The following GTPBP10 variants were observed in gnomAD, a reference collection of about 807,000 sequenced individuals.
The protein encoded by GTPBP10 is GTP binding protein 10, also known as GTP-binding protein 10.
GTPBP10 carries 38 observed loss-of-function variants against 44.8 expected under a neutral mutation model. That is an observed-to-expected ratio of 0.85 (90% CI 0.65 to 1.11). The LOEUF (loss-of-function observed/expected upper bound fraction) is 1.11, where lower values mean the gene tolerates loss of function less well. Among genes scored for constraint, GTPBP10 ranks in the 50% most tolerant of loss-of-function variants. The pLI is 0.00. For synonymous variants in GTPBP10, 152 were observed against 150.6 expected, an observed-to-expected ratio of 1.01 and a Z score of -0.07; for missense variants, 462 against 453.7, an observed-to-expected ratio of 1.02 and a Z score of -0.17.
At chr7:90,364,886 C>G (rs933132510) in intron 4 of GTPBP10, among the ~76,000 whole-genome samples, 1 of 152,188 alleles carries the variant, frequency 6.6e-6, no homozygotes, top group Non-Finnish European at 1.5e-5. Flanking sequence ...GACTGCTGTG[C>G]TAGCAATGAG....
chr7:90,356,987 T>G (rs1444389332), intron 4 of GTPBP10, among the ~76,000 whole-genome samples: 1 of 152,174 alleles, frequency 6.6e-6, no homozygotes, highest in Non-Finnish European at 1.5e-5. Context: ...GTTTAACATA[T>G]TTTCTAGTGT....
At position 90,387,479 on chromosome 7, in the gene GTPBP10, T is replaced by C. The variant is rs1240058646; in HGVS notation, c.*2325T>C. 6.6e-6 allele frequency: 1 copy of C among 152,216 alleles called. No homozygotes were observed. Among genetic ancestry groups the C allele is most frequent in the Non-Finnish European group, 1.5e-5 (1 of 68,034 alleles). The allele number at this position is 152,216 out of a possible 1,614,324, so 9.4% of individuals were successfully genotyped here. ...TAAAGTATTAAAGAAAAATAATGCATTGTTCTCAGCTTAAATTTTTTTCTG... is the reference window on the plus strand; with the variant it reads ...TAAAGTATTAAAGAAAAATAATGCACTGTTCTCAGCTTAAATTTTTTTCTG... On this transcript the variant is annotated 3_prime_UTR_variant, in exon 10 of 10. Coordinates refer to ENST00000222511, the MANE Select transcript of GTPBP10 (RefSeq NM_033107.4).
chr7:90,379,819 A>G (rs1796403515), intron 8 of GTPBP10, among the ~76,000 whole-genome samples: 1 of 152,174 alleles, frequency 6.6e-6, no homozygotes, highest in African/African-American at 2.4e-5. Context: ...TTCCACATGA[A>G]TGTCAACACT....
intron 4 of GTPBP10, among the ~76,000 whole-genome samples, chr7:90,361,616 C>T (rs1411091458): frequency 6.6e-6 from 1 of 151,982 alleles, no homozygotes; most frequent in Non-Finnish European, 1.5e-5. Context: ...GTCTCACAGG[C>T]TCTGGTATCA....
intron 4 of GTPBP10, among the ~76,000 whole-genome samples, chr7:90,358,000 G>A (rs1795940099): frequency 6.6e-6 from 1 of 152,064 alleles, no homozygotes; most frequent in African/African-American, 2.4e-5. Context: ...CAAACTATCT[G>A]TTTGCCCACC....
chr7:90,372,199 A>G lies in GTPBP10; in HGVS notation c.509A>G (p.His170Arg), dbSNP rs541343602. Residue 170 changes from histidine (H) to arginine (R), a missense_variant, in exon 5 of 10, where the codon CAT becomes CGT. His to Arg is a conservative substitution (Grantham distance 29). Coordinates refer to ENST00000222511, the MANE Select transcript of GTPBP10 (RefSeq NM_033107.4). ...TCCTCTTTGCTAAGTTGTGTTTCTC[A>G]TGCAAAACCTGCAATTGCAGATTAC... Reference protein sequence around the residue: ...GKSSLLSCVSHAKPAIADYAF... With the variant: ...GKSSLLSCVSRAKPAIADYAF... 5.6e-6 allele frequency: 9 copies of G among 1,606,800 alleles called. No homozygotes were observed. The South Asian group carries it at 1.0e-4, about 18-fold the overall frequency.
chr7:90,363,826 GTT>G (rs1332085971), intron 4 of GTPBP10, among the ~76,000 whole-genome samples: 2 of 151,878 alleles, frequency 1.3e-5, no homozygotes, highest in Non-Finnish European at 2.9e-5. Context: ...TGGAGGCTTT[GTT>G]CATTTCGTTT....
intron 4 of GTPBP10, among the ~76,000 whole-genome samples, chr7:90,355,684 A>G (rs1252122205): frequency 6.7e-6 from 1 of 148,718 alleles, no homozygotes; most frequent in Non-Finnish European, 1.5e-5. Flanking sequence ...ACCAGTACAG[A>G]CAATCTCAAT....
chr7:90,375,514 A>C (rs559158145), intron 6 of GTPBP10, among the ~76,000 whole-genome samples: 8 of 152,326 alleles, frequency 5.3e-5, no homozygotes, highest in Non-Finnish European at 1.0e-4. Context: ...TAATAGTGAT[A>C]ATAACAGTAA....
intron 8 of GTPBP10, among the ~76,000 whole-genome samples, chr7:90,380,074 C>CTTTTTTTTTT (rs58735928): frequency 9.6e-6 from 1 of 104,350 alleles, no homozygotes; most frequent in Non-Finnish European, 1.9e-5. Context: ...AGTCCCTTCT[C>CTTTTTTTTTT]TTTTTTTTTT....
Position 90,389,247 on chromosome 7 carries a change from G to A in GTPBP10, c.*4093G>A, listed in dbSNP as rs1295510780. 6.6e-6 allele frequency: 1 copy of A among 152,164 alleles called. No homozygotes were observed. Among genetic ancestry groups the A allele is most frequent in the African/African-American group, 2.4e-5 (1 of 41,436 alleles). 9.4% of individuals were successfully genotyped at this position (152,164 alleles called of 1,614,324 possible). The stretch of plus-strand genomic sequence containing the variant: ...AAGTGGTAATGTTACCATATGCTGG[G>A]TACTGGGCTGAGTAAATCACATATT... On this transcript the variant is annotated 3_prime_UTR_variant, in exon 10 of 10. Transcript: ENST00000222511.
At chr7:90,378,518 C>T (rs1796382830) in intron 8 of GTPBP10, among the ~76,000 whole-genome samples, 1 of 152,128 alleles carries the variant, frequency 6.6e-6, no homozygotes, top group Admixed American at 6.6e-5. Flanking sequence ...GACCGGTAAT[C>T]TTCTGGTTCT....
intron 4 of GTPBP10, among the ~76,000 whole-genome samples, chr7:90,369,418 G>A (rs1377060304): frequency 6.6e-6 from 1 of 152,208 alleles, no homozygotes; most frequent in African/African-American, 2.4e-5. Context: ...GATCTAGAGA[G>A]GCAGTAGGCC....
In GTPBP10 at chr7:90,384,928, A is replaced by G; in HGVS notation, c.938A>G (p.Glu313Gly). The change falls in exon 10 of 10, where the codon GAG (glutamate) becomes GGG (glycine). Residue 313 changes from glutamate (E) to glycine (G), a missense_variant. Glu to Gly is a moderately conservative substitution (Grantham distance 98). Transcript: ENST00000222511. Reference sequence around the variant, plus strand: ...TTATTTGAAAAAAACATGATTCCAGAGAGGACTGTAGAGTTCCAACATATC... The same window carrying G: ...TTATTTGAAAAAAACATGATTCCAGGGAGGACTGTAGAGTTCCAACATATC... ...LHLFEKNMIP[E>G]RTVEFQHIIP... The G allele has an allele frequency of 6.2e-7, 1 of 1,604,908 alleles. No individual in the cohort carries two copies. Among genetic ancestry groups the G allele is most frequent in the South Asian group, 1.1e-5 (1 of 88,702 alleles).
chr7:90,359,574 C>T (rs904451990), intron 4 of GTPBP10, among the ~76,000 whole-genome samples: 2 of 152,184 alleles, frequency 1.3e-5, no homozygotes, highest in Non-Finnish European at 2.9e-5. Context: ...CAAGTCTTTG[C>T]TATTGTGAAT....
At chr7:90,356,955 GA>G (rs1479867875) in intron 4 of GTPBP10, among the ~76,000 whole-genome samples, 4 of 152,134 alleles carry the variant, frequency 2.6e-5, no homozygotes, top group African/African-American at 9.7e-5. Flanking sequence ...AAGAATGGGG[GA>G]AAAAGATTTT....
rs764988344 is a variant in GTPBP10, at chr7:90,354,508, C to T, written c.278C>T (p.Pro93Leu). The T allele has an allele frequency of 6.3e-7, 1 of 1,588,322 alleles. No homozygotes were observed. Among genetic ancestry groups the T allele is most frequent in the Non-Finnish European group, 8.6e-7 (1 of 1,167,622 alleles). Residue 93 changes from proline to leucine, a missense_variant, in exon 3 of 10, where the codon CCT (proline) becomes CTT (leucine). Physicochemically the swap from Pro to Leu is moderately conservative, Grantham distance 98. Transcript: ENST00000222511. ...SKGKDCEIPV[P>L]VGISVTDENG... ...GGAAAAGACTGTGAAATCCCTGTGC[C>T]TGTGGGTATTTCAGTAACTGATGAA...
At chr7:90,382,458 C>G (rs1796449008) in intron 8 of GTPBP10, among the ~76,000 whole-genome samples, 1 of 152,128 alleles carries the variant, frequency 6.6e-6, no homozygotes, top group Non-Finnish European at 1.5e-5. Context: ...GGGCTTCGCT[C>G]TGTCATGTAG....
intron 4 of GTPBP10, among the ~76,000 whole-genome samples, chr7:90,371,639 C>T (rs149641667): frequency 4.3e-4 from 66 of 152,242 alleles, no homozygotes; most frequent in Admixed American, 9.2e-4. Context: ...GTATTTGTAA[C>T]GTACAGACCT....
Sources: allele counts gnomAD v4.1 joint callset (sites outside exome capture counted in the v4.1 genomes callset), GRCh38; gene constraint gnomAD v4.1.1; transcripts MANE v1.5; gene names NCBI Gene and HGNC (gene_info 2026-07-23, HGNC 2026-07-21).